The following SEMA3A variants were observed in gnomAD, a reference collection of about 807,000 sequenced individuals.
SEMA3A encodes the protein semaphorin 3A.
SEMA3A carries 29 observed loss-of-function variants against 97.9 expected under a neutral mutation model. That is an observed-to-expected ratio of 0.30 (90% CI 0.22 to 0.40). The LOEUF is 0.40. SEMA3A is among the 10% of genes least tolerant of loss of function. The probability of loss-of-function intolerance (pLI) is 1.00; values close to 1 mark genes in which losing one functional copy is unlikely to be tolerated. For missense variants in SEMA3A, 763 were observed against 951.3 expected, an observed-to-expected ratio of 0.80 and a Z score of 2.60; for synonymous variants, 321 against 323.7, an observed-to-expected ratio of 0.99 and a Z score of 0.09.
At chr7:84,024,420 CCT>C (rs1791467440) in intron 6 of SEMA3A, among the ~76,000 whole-genome samples, 4 of 151,978 alleles carry the variant, frequency 2.6e-5, no homozygotes, top group Admixed American at 2.6e-4. Context: ...GTGGCACACA[CCT>C]ATAATCCCAG....
At chr7:84,272,470 A>G (rs1314420467) in intron 3 of SEMA3A, among the ~76,000 whole-genome samples, 2 of 152,106 alleles carry the variant, frequency 1.3e-5, no homozygotes, top group Admixed American at 1.3e-4. Flanking sequence ...GTAATAGAAA[A>G]AAATTTGTTT....
chr7:84,105,451 GT>G lies in SEMA3A; in HGVS notation c.453+5018del, dbSNP rs556553999. On this transcript the variant is annotated intron_variant, in intron 4 of 16. Transcript: ENST00000265362. Reference sequence around the variant, plus strand: ...TATTTCATATATAGATATATTGGTTGTCATTGTGGAAATGACCTTAGAGATA... The same window carrying G: ...TATTTCATATATAGATATATTGGTTGCATTGTGGAAATGACCTTAGAGATA... 1.8e-4 allele frequency among the ~76,000 whole-genome samples: 27 copies of G among 152,206 alleles called. No individual in the cohort carries two copies. In the East Asian group the frequency reaches 5.2e-3, roughly 30 times the overall value.
At chr7:84,328,292 C>T (rs1402452006) in intron 2 of SEMA3A, among the ~76,000 whole-genome samples, 1 of 151,944 alleles carries the variant, frequency 6.6e-6, no homozygotes, top group Non-Finnish European at 1.5e-5. Flanking sequence ...TACTCATTTG[C>T]ATTGCCACAA....
chr7:84,167,528 G>T (rs747428993), intron 1 of SEMA3A, among the ~76,000 whole-genome samples: 4 of 152,148 alleles, frequency 2.6e-5, no homozygotes, highest in African/African-American at 9.7e-5. Context: ...GACACAGAGA[G>T]TTGAGTATGG....
intron 3 of SEMA3A, among the ~76,000 whole-genome samples, chr7:84,261,271 C>T (rs1799850554): frequency 6.6e-6 from 1 of 152,180 alleles, no homozygotes; most frequent in African/African-American, 2.4e-5. Context: ...CTACCTGGCT[C>T]ACCCTCCAGC....
chr7:84,184,294 C>T (rs185366711), intron 1 of SEMA3A, among the ~76,000 whole-genome samples: 1 of 152,176 alleles, frequency 6.6e-6, no homozygotes, highest in East Asian at 1.9e-4. Context: ...TTAGAATGTG[C>T]AAAGGAAACC....
intron 6 of SEMA3A, among the ~76,000 whole-genome samples, chr7:84,028,640 T>G (rs2116458249): frequency 6.6e-6 from 1 of 152,360 alleles, no homozygotes; most frequent in Non-Finnish European, 1.5e-5. Flanking sequence ...AGTCTCACTC[T>G]GTTGACCAGG....
At chr7:84,019,024 C>T (rs1293141192) in intron 6 of SEMA3A, among the ~76,000 whole-genome samples, 1 of 152,078 alleles carries the variant, frequency 6.6e-6, no homozygotes, top group East Asian at 1.9e-4. Context: ...TGAGAAAGGA[C>T]AGTGACCTGG....
At chr7:84,460,996 A>C (rs1332637325) in intron 1 of SEMA3A, among the ~76,000 whole-genome samples, 1 of 152,210 alleles carries the variant, frequency 6.6e-6, no homozygotes, top group Non-Finnish European at 1.5e-5. Context: ...GCAGTTGAAC[A>C]GCAGGGTTAT....
chr7:84,166,908 T>G, intron 1 of SEMA3A, among the ~76,000 whole-genome samples: 1 of 145,826 alleles, frequency 6.9e-6, no homozygotes, highest in African/African-American at 2.5e-5. Context: ...AAAAAGAAGC[T>G]GAGGTGGGTA....
chr7:83,967,289 G>A (rs1369889102), intron 15 of SEMA3A, among the ~76,000 whole-genome samples: 1 of 152,004 alleles, frequency 6.6e-6, no homozygotes, highest in Non-Finnish European at 1.5e-5. Context: ...GCAACCACTG[G>A]CATAAATTTT....
intron 3 of SEMA3A, among the ~76,000 whole-genome samples, chr7:84,119,108 G>T (rs1342937391): frequency 3.3e-5 from 5 of 151,968 alleles, no homozygotes; most frequent in African/African-American, 1.2e-4. Flanking sequence ...CTTTTTAAGT[G>T]CATATTAAAT....
intron 5 of SEMA3A, among the ~76,000 whole-genome samples, chr7:84,048,187 G>T (rs570711664): frequency 6.6e-6 from 1 of 152,018 alleles, no homozygotes; most frequent in South Asian, 2.1e-4. Flanking sequence ...GTCACAGCAT[G>T]GTGTCTTTGG....
intron 3 of SEMA3A, among the ~76,000 whole-genome samples, chr7:84,294,911 G>A (rs1006542404): frequency 2.0e-5 from 3 of 152,034 alleles, no homozygotes; most frequent in African/African-American, 7.2e-5. Context: ...CCTCCCTGGA[G>A]GTAACAATAG....
In SEMA3A at chr7:84,143,950, AACACACACACACAC is replaced by A. The variant is rs796470836; in HGVS notation, c.113-9013_113-9000del. Among the ~76,000 whole-genome samples the A allele has an allele frequency of 1.8e-3, 175 of 94,686 alleles. 1 individual carries two copies. Among genetic ancestry groups the A allele is most frequent in the Admixed American group, 5.2e-3 (42 of 8,020 alleles). 62.1% of individuals were successfully genotyped at this position (94,686 alleles called of 152,430 possible). A position where few individuals can be genotyped will look rare whatever the true frequency, so the allele number is the denominator to read the frequency against. ...TCTCTCTCTCTCTCTCTCTCTCTCT[AACACACACACACAC>A]ACACACACACACACACACACACACA... On this transcript the variant is annotated intron_variant, in intron 1 of 16. Transcript: ENST00000265362.
At chr7:84,010,766 T>C (rs1790847856) in intron 9 of SEMA3A, among the ~76,000 whole-genome samples, 1 of 152,052 alleles carries the variant, frequency 6.6e-6, no homozygotes, top group African/African-American at 2.4e-5. Context: ...AAGTCAAAGA[T>C]ATGCATAAGA....
chr7:84,051,790 G>C (rs1424253271), intron 5 of SEMA3A, among the ~76,000 whole-genome samples: 1 of 151,952 alleles, frequency 6.6e-6, no homozygotes, highest in South Asian at 2.1e-4. Context: ...TATTGTGCCA[G>C]TCTTCAAAGG....
intron 6 of SEMA3A, among the ~76,000 whole-genome samples, chr7:84,019,677 G>A (rs1451851088): frequency 6.6e-6 from 1 of 151,860 alleles, no homozygotes; most frequent in Non-Finnish European, 1.5e-5. Context: ...TATATCCTGC[G>A]GTTTTGCATC....
At chr7:84,307,750 T>C (rs181025016) in intron 2 of SEMA3A, among the ~76,000 whole-genome samples, 2 of 152,192 alleles carry the variant, frequency 1.3e-5, no homozygotes, top group Non-Finnish European at 2.9e-5. Context: ...GGATTTCACT[T>C]TAACAAAAGC....
Sources: allele counts gnomAD v4.1 joint callset (sites outside exome capture counted in the v4.1 genomes callset), GRCh38; gene constraint gnomAD v4.1.1; transcripts MANE v1.5; gene names NCBI Gene and HGNC (gene_info 2026-07-23, HGNC 2026-07-21).